Variants in TSPAN5 observed in about 807,000 individuals in gnomAD.
The protein encoded by TSPAN5 is tetraspanin-5.
Under a neutral mutation model 37.1 loss-of-function variants are expected in TSPAN5, and 10 were observed. The ratio of observed to expected loss-of-function variants is 0.27; its 90% CI spans 0.17 to 0.46. TSPAN5 has a LOEUF of 0.46. TSPAN5 is among the 20% of genes least tolerant of loss of function. The probability of loss-of-function intolerance (pLI) is 1.00; values close to 1 mark genes in which losing one functional copy is unlikely to be tolerated. For synonymous variants in TSPAN5, 110 were observed against 118.9 expected, an observed-to-expected ratio of 0.93 and a Z score of 0.48; for missense variants, 195 against 326.6, an observed-to-expected ratio of 0.60 and a Z score of 3.11.
chr4:98,577,911 A>AT (rs1312295913), intron 1 of TSPAN5, among the ~76,000 whole-genome samples: 34 of 152,242 alleles, frequency 2.2e-4, no homozygotes, highest in African/African-American at 7.7e-4. Context: ...GGTAAACACA[A>AT]TAAGTATTAG....
At chr4:98,636,510 T>G (rs1756859132) in intron 1 of TSPAN5, among the ~76,000 whole-genome samples, 1 of 152,122 alleles carries the variant, frequency 6.6e-6, no homozygotes, top group East Asian at 1.9e-4. Context: ...TCTCCTGCAG[T>G]AGAGTGGGGA....
At chr4:98,592,168 T>A (rs187083523) in intron 1 of TSPAN5, among the ~76,000 whole-genome samples, 5 of 150,054 alleles carry the variant, frequency 3.3e-5, no homozygotes, top group African/African-American at 1.2e-4. Context: ...AACCATTACC[T>A]TTATCTCATG....
At chr4:98,542,739 AAAG>A (rs1754387839) in intron 1 of TSPAN5, among the ~76,000 whole-genome samples, 1 of 151,194 alleles carries the variant, frequency 6.6e-6, no homozygotes, top group South Asian at 2.1e-4. Flanking sequence ...AAAAAAAAAA[AAAG>A]ACTCCATGAA....
At chr4:98,583,269 G>A (rs946547581) in intron 1 of TSPAN5, among the ~76,000 whole-genome samples, 14 of 152,082 alleles carry the variant, frequency 9.2e-5, no homozygotes, top group African/African-American at 3.4e-4. Context: ...TTGATATAAA[G>A]CCTTTCATTT....
At chr4:98,549,037 T>C (rs1754539841) in intron 1 of TSPAN5, among the ~76,000 whole-genome samples, 2 of 152,172 alleles carry the variant, frequency 1.3e-5, no homozygotes, top group Admixed American at 1.3e-4. Context: ...TTTTTAAATA[T>C]AATAATTCCT....
rs576913791 is a variant in TSPAN5 at position 98,530,304 on chromosome 4, G to A, written c.82-22576C>T. Among the ~76,000 whole-genome samples the A allele has an allele frequency of 1.1e-4, 16 of 152,322 alleles. No individual in the cohort carries two copies. In the South Asian group the frequency reaches 2.9e-3, roughly 28 times the overall value. The stretch of plus-strand genomic sequence containing the variant: ...GAGAAAGTGATAATGGTGAACTTTT[G>A]TTGCTCATCAGCCTGTGCCAGGAGC... On this transcript the variant is annotated intron_variant, in intron 1 of 7. Transcript: ENST00000305798.
At chr4:98,515,382 G>T (rs1378937846) in intron 1 of TSPAN5, among the ~76,000 whole-genome samples, 1 of 152,062 alleles carries the variant, frequency 6.6e-6, no homozygotes, top group African/African-American at 2.4e-5. Flanking sequence ...ATCAGTTCCT[G>T]CCCCCCTCCT....
At chr4:98,654,058 A>T (rs780528218) in intron 1 of TSPAN5, among the ~76,000 whole-genome samples, 36 of 152,218 alleles carry the variant, frequency 2.4e-4, no homozygotes, top group Non-Finnish European at 5.1e-4. Context: ...TAGGTGCTCC[A>T]GTGACAACTC....
chr4:98,497,442 A>AC lies in TSPAN5; in HGVS notation c.132+10235dup, dbSNP rs1753239172. ...CTCGCCAGGAACTGAATCTGTCACC[A>AC]CCTTGATCTTGGACTTCCCAGCCTG... is the stretch of plus-strand genomic sequence containing the variant. On this transcript the variant is annotated intron_variant, in intron 2 of 7. Coordinates refer to ENST00000305798, the MANE Select transcript of TSPAN5 (RefSeq NM_005723.4). Among the ~76,000 whole-genome samples the AC allele has an allele frequency of 2.0e-5, 3 of 152,088 alleles. No homozygotes were observed. In the South Asian group the frequency reaches 6.2e-4, roughly 32 times the overall value.
intron 4 of TSPAN5, among the ~76,000 whole-genome samples, chr4:98,479,921 T>A (rs945311204): frequency 3.9e-5 from 6 of 152,228 alleles, no homozygotes; most frequent in African/African-American, 1.4e-4. Flanking sequence ...TTCATCCCCA[T>A]GTGACCATCT....
At chr4:98,575,914 C>G (rs1371600392) in intron 1 of TSPAN5, among the ~76,000 whole-genome samples, 3 of 151,726 alleles carry the variant, frequency 2.0e-5, no homozygotes, top group African/African-American at 7.3e-5. Flanking sequence ...ACTAAAAATA[C>G]AAAAAATAGC....
In TSPAN5 at chr4:98,479,932, C is replaced by T. The variant is rs140367116; in HGVS notation, c.451-1122G>A. On this transcript the variant is annotated intron_variant, in intron 4 of 7. Transcript: ENST00000305798. ...TTACTTCATCCCCATGTGACCATCT[C>T]ACCTCATAATCAAATGACCTAAATC... Among the ~76,000 whole-genome samples the T allele has an allele frequency of 3.0e-4, 46 of 152,264 alleles. No individual in the cohort carries two copies. The East Asian group carries it at 6.7e-3, about 22-fold the overall frequency.
chr4:98,522,567 T>A (rs1327159657), intron 1 of TSPAN5, among the ~76,000 whole-genome samples: 2 of 152,248 alleles, frequency 1.3e-5, no homozygotes, highest in Admixed American at 6.5e-5. Context: ...TGATGCTTTA[T>A]AAATTCAATC....
chr4:98,641,294 C>G (rs7699492), intron 1 of TSPAN5, among the ~76,000 whole-genome samples: 16,732 of 152,190 alleles, frequency 0.11, 990 homozygotes, highest in African/African-American at 0.12. Context: ...CACCACAGAA[C>G]CTTCAAACAC....
chr4:98,645,212 A>G (rs1318052508), intron 1 of TSPAN5, among the ~76,000 whole-genome samples: 2 of 152,224 alleles, frequency 1.3e-5, no homozygotes, highest in African/African-American at 2.4e-5. Flanking sequence ...AACCTCCATT[A>G]TAACAAAAGA....
At chr4:98,563,759 C>T (rs1011390252) in intron 1 of TSPAN5, among the ~76,000 whole-genome samples, 6 of 152,206 alleles carry the variant, frequency 3.9e-5, no homozygotes, top group Non-Finnish European at 5.9e-5. Flanking sequence ...CTGTGTCAAA[C>T]CAGTGGTTCC....
Position 98,472,465 on chromosome 4 carries a change from G to T in TSPAN5, c.*57C>A. ...CAGCTCGAAGATCAGTTCGGCACGC[G>T]GGAGGGTCCCGAAAGCTGGGTCTGT... On this transcript the variant is annotated 3_prime_UTR_variant, in exon 8 of 8. Transcript: ENST00000305798. 6.6e-7 allele frequency: 1 copy of T among 1,526,020 alleles called. No individual in the cohort carries two copies. The highest frequency in any genetic ancestry group is 1.1e-5 in the South Asian group (1 of 88,296). The allele number at this position is 1,526,020 out of a possible 1,614,324, so 94.5% of individuals were successfully genotyped here.
At chr4:98,556,694 G>A (rs9993293) in intron 1 of TSPAN5, among the ~76,000 whole-genome samples, 2,297 of 152,258 alleles carry the variant, frequency 0.015, 51 homozygotes, top group African/African-American at 0.053. Context: ...CTTATGAAAT[G>A]TTGACAGGAG....
chr4:98,507,337 T>A (rs555613578), intron 2 of TSPAN5, among the ~76,000 whole-genome samples: 1 of 152,144 alleles, frequency 6.6e-6, no homozygotes, highest in African/African-American at 2.4e-5. Context: ...AGGCTACAGG[T>A]GGTTTAGTGA....
Sources: gnomAD v4.1 joint callset for allele counts (sites outside exome capture counted in the v4.1 genomes callset) on GRCh38, gnomAD v4.1.1 for gene constraint, MANE v1.5 for transcripts, NCBI Gene and HGNC (gene_info 2026-07-23, HGNC 2026-07-21) for gene names.